MAST1: variants seen among roughly 807,000 people sequenced by gnomAD.
MAST1 encodes microtubule associated serine/threonine kinase 1, also known as microtubule-associated serine/threonine-protein kinase 1.
A neutral mutation model predicts 124.6 loss-of-function variants in MAST1; 40 were observed. The ratio of observed to expected loss-of-function variants is 0.32; its 90% CI spans 0.25 to 0.42. MAST1 has a LOEUF of 0.42. MAST1 is among the 10% of genes least tolerant of loss of function. MAST1 has a pLI of 1.00. For synonymous variants in MAST1, 938 were observed against 939.4 expected (o/e 1.00, Z 0.03); for missense variants, 1,558 against 2,181.9 (o/e 0.71, Z 5.70).
rs1969830049 is a variant in MAST1, at chr19:12,841,688, T to C, written c.248+622T>C. Among the ~76,000 whole-genome samples the C allele has an allele frequency of 6.6e-6, 1 of 152,228 alleles. No individual in the cohort carries two copies. The highest frequency in any genetic ancestry group is 1.9e-4 in the East Asian group (1 of 5,194). On this transcript the variant is annotated intron_variant, in intron 3 of 25. Transcript: ENST00000251472. The surrounding 1 kb of genome is among the most constrained non-coding windows in gnomAD (Gnocchi z 4.3). ...CTAAAAATGGTGTCTAAACACCTGC[T>C]ATGTTCTTAGGAGCTGGGCGTATGG...
chr19:12,839,016 A>G (rs1969794794), intron 1 of MAST1, among the ~76,000 whole-genome samples: 1 of 151,850 alleles, frequency 6.6e-6, no homozygotes, highest in Admixed American at 6.6e-5. Context: ...CCCCACCCCC[A>G]TGCCGCGTGC....
chr19:12,852,361 G>T lies in MAST1; in HGVS notation c.1043G>T (p.Gly348Val). ...CATCTGGAGGAACAGGACAGTGGTG[G>T]TTCCAACACCCCTGAGCAAGACGAT... ...VVHLEEQDSG[G>V]SNTPEQDDLS... Residue 348 changes from glycine (G) to valine (V), a missense_variant, in exon 10 of 26, where the codon GGT (glycine) becomes GTT (valine). Physicochemically the swap from Gly to Val is moderately radical, Grantham distance 109 (BLOSUM62 -3). Around this residue, in one of 10 missense-constraint regions of MAST1, gnomAD observed 136 missense variants for 160.9 expected, o/e 0.85. Coordinates refer to ENST00000251472, the MANE Select transcript of MAST1 (RefSeq NM_014975.3). The T allele has an allele frequency of 6.2e-7, 1 of 1,613,842 alleles. No individual in the cohort carries two copies. Among genetic ancestry groups the T allele is most frequent in the East Asian group, 2.2e-5 (1 of 44,868 alleles).
At chr19:12,844,076 A>C (rs1969862773) in intron 4 of MAST1, among the ~76,000 whole-genome samples, 1 of 152,180 alleles carries the variant, frequency 6.6e-6, no homozygotes, top group Admixed American at 6.5e-5. Flanking sequence ...TCTATTAAAG[A>C]GTTATGGGTC....
chr19:12,847,491 C>A lies in MAST1; in HGVS notation c.488+41C>A. 2 of 1,612,134 alleles carry A rather than the reference C, an allele frequency of 1.2e-6. No homozygotes were observed. Among genetic ancestry groups the A allele is most frequent in the South Asian group, 1.1e-5 (1 of 91,010 alleles). ...TCCTCCTTCGTACCAAGCTAGTGGTCTTAGGACTTGTGCTTAGAGAGACCC... is the reference window on the plus strand; with the variant it reads ...TCCTCCTTCGTACCAAGCTAGTGGTATTAGGACTTGTGCTTAGAGAGACCC... On this transcript the variant is annotated intron_variant, in intron 5 of 25. Transcript: ENST00000251472. The surrounding 1 kb of genome is among the most constrained non-coding windows in gnomAD (Gnocchi z 5.5).
chr19:12,868,103 A>ATTTTTTTTTTTTTT lies in MAST1; in HGVS notation c.2566+136_2566+149dup, dbSNP rs34988246. The ATTTTTTTTTTTTTT allele has an allele frequency of 3.0e-3, 978 of 321,934 alleles. 66 individuals are homozygous for ATTTTTTTTTTTTTT. Among genetic ancestry groups the ATTTTTTTTTTTTTT allele is most frequent in the African/African-American group, 0.016 (376 of 23,786 alleles). The allele number at this position is 321,934 out of a possible 1,614,324, so 19.9% of individuals were successfully genotyped here. A position where few individuals can be genotyped will look rare whatever the true frequency, so the allele number is the denominator to read the frequency against. On this transcript the variant is annotated intron_variant, in intron 20 of 25. Coordinates refer to ENST00000251472, the MANE Select transcript of MAST1 (RefSeq NM_014975.3). ...GGTCCTATTCACATTGCAATTTGGG[A>ATTTTTTTTTTTTTT]TTTTTTTTTTTTTTTTTTTTTTTGA...
rs771299282 is a variant in MAST1, at chr19:12,871,086, C to T, written c.3177C>T (p.Ile1059=). ...VTTTPFENTS[I]RIGPARRSSY... ...CAACGCCCTTCGAAAATACCTCTAT[C>T]CGCATTGGTCCCGCAAGGCGCAGCA... The change falls in exon 24 of 26, where the codon ATC becomes ATT. Residue 1059 remains isoleucine, a synonymous_variant. Transcript: ENST00000251472. 1.2e-6 allele frequency: 2 copies of T among 1,614,222 alleles called. No individual in the cohort carries two copies. The highest frequency in any genetic ancestry group is 1.7e-6 in the Non-Finnish European group (2 of 1,180,044).
chr19:12,847,706 C>T lies in MAST1; in HGVS notation c.564+19C>T. The T allele has an allele frequency of 1.2e-6, 2 of 1,612,486 alleles. No individual in the cohort carries two copies. The highest frequency in any genetic ancestry group is 1.7e-6 in the Non-Finnish European group (2 of 1,179,092). ...CCCGAAGGTGAGGTGGGACCCGAGG[C>T]GGTCACGGGGTGACCAGGCGGCCTG... On this transcript the variant is annotated intron_variant, in intron 6 of 25. Coordinates refer to ENST00000251472, the MANE Select transcript of MAST1 (RefSeq NM_014975.3). The surrounding 1 kb of genome is among the most constrained non-coding windows in gnomAD (Gnocchi z 5.5).
rs1284907600 is a variant in MAST1, at chr19:12,865,293, G to A, written c.1639-23G>A. On this transcript the variant is annotated intron_variant, in intron 14 of 25. Transcript: ENST00000251472. This position sits in a 1 kb window ranked among gnomAD's most constrained non-coding sequence, Gnocchi z 7.1. The stretch of plus-strand genomic sequence containing the variant: ...TTGAGGGCCCTCCTCTGGCTGGGGC[G>A]TGGGCTGACAGCCTGCCCCCAGGTG... The A allele has an allele frequency of 6.3e-6, 10 of 1,579,858 alleles. No homozygotes were observed. The highest frequency in any genetic ancestry group is 2.2e-5 in the East Asian group (1 of 44,654).
In MAST1 at chr19:12,858,535, G is replaced by A; in HGVS notation, c.1162G>A (p.Val388Ile). The A allele has an allele frequency of 6.2e-7, 1 of 1,614,172 alleles. No homozygotes were observed. Among genetic ancestry groups the A allele is most frequent in the Non-Finnish European group, 8.5e-7 (1 of 1,179,988 alleles). Residue 388 changes from valine to isoleucine, a missense_variant, in exon 12 of 26, where the codon GTC becomes ATC. Physicochemically the swap from Val to Ile is conservative, Grantham distance 29. Around this residue, in one of 10 missense-constraint regions of MAST1, gnomAD observed 136 missense variants for 160.9 expected, o/e 0.85. Coordinates refer to ENST00000251472, the MANE Select transcript of MAST1 (RefSeq NM_014975.3). ...CCTCGCTCTCTCCCCCTGCAGCGCT[G>A]TCTACCTGGTGCGGCACCGCGACAC... ...KLISNGAYGA[V>I]YLVRHRDTRQ...
At position 12,871,071 on chromosome 19, in the gene MAST1, C is replaced by T. The variant is rs770141518; in HGVS notation, c.3162C>T (p.Phe1054=). 6.8e-6 allele frequency: 11 copies of T among 1,614,068 alleles called. No homozygotes were observed. Among genetic ancestry groups the T allele is most frequent in the African/African-American group, 5.3e-5 (4 of 74,922 alleles). ...AGGTAGCAGTGACCACAACGCCCTT[C>T]GAAAATACCTCTATCCGCATTGGTC... The part of the protein sequence containing the change: ...GNKVAVTTTP[F]ENTSIRIGPA... The change falls in exon 24 of 26, where the codon TTC becomes TTT. Residue 1054 remains phenylalanine (F), a synonymous_variant. Coordinates refer to ENST00000251472, the MANE Select transcript of MAST1 (RefSeq NM_014975.3).
At chr19:12,869,013 G>A in intron 21 of MAST1, 53 bp from the exon 22 acceptor site, 1 of 1,582,924 alleles carries the variant, frequency 6.3e-7, no homozygotes, top group Non-Finnish European at 8.7e-7. Context: ...GCAGATACAG[G>A]GAGATGTCTA....
In MAST1 at chr19:12,843,205, G is replaced by T. The variant is rs1969852600; in HGVS notation, c.249-324G>T. Reference sequence around the variant, plus strand: ...CTCCCTCAGAGCTTTCTCATGGAGAGTGTTCACTTGGGGGAAATTTCTAGA... The same window carrying T: ...CTCCCTCAGAGCTTTCTCATGGAGATTGTTCACTTGGGGGAAATTTCTAGA... On this transcript the variant is annotated intron_variant, in intron 3 of 25. Transcript: ENST00000251472. This position sits in a 1 kb window ranked among gnomAD's most constrained non-coding sequence, Gnocchi z 4.9. Among the ~76,000 whole-genome samples the T allele has an allele frequency of 3.3e-5, 5 of 151,550 alleles. No individual in the cohort carries two copies. Among genetic ancestry groups the T allele is most frequent in the Admixed American group, 3.3e-4 (5 of 15,172 alleles).
At chr19:12,839,063 T>C (rs1599574025) in intron 1 of MAST1, among the ~76,000 whole-genome samples, 1 of 139,530 alleles carries the variant, frequency 7.2e-6, no homozygotes, top group African/African-American at 2.7e-5. Context: ...ACTGCGGCTG[T>C]GGGTGAGGGG....
chr19:12,867,973 G>A lies in MAST1; in HGVS notation c.2562G>A (p.Glu854=). 6.5e-7 allele frequency: 1 copy of A among 1,546,242 alleles called. No individual in the cohort carries two copies. Among genetic ancestry groups the A allele is most frequent in the South Asian group, 1.2e-5 (1 of 80,892 alleles). The part of the protein sequence containing the change: ...GEGTSSAGDS[E]ATDRPRPGDL... ...GCACCTCCAGCGCCGGGGACTCCGAGGCCAGTGAGTGCCCTATCGTGCTGC... is the reference window on the plus strand; with the variant it reads ...GCACCTCCAGCGCCGGGGACTCCGAAGCCAGTGAGTGCCCTATCGTGCTGC... The change falls in exon 20 of 26, where the codon GAG becomes GAA. Residue 854 remains glutamate, a synonymous_variant. Coordinates refer to ENST00000251472, the MANE Select transcript of MAST1 (RefSeq NM_014975.3).
chr19:12,847,537 G>T lies in MAST1; in HGVS notation c.489-75G>T. 1 of 1,612,836 alleles carries T rather than the reference G, an allele frequency of 6.2e-7. No individual in the cohort carries two copies. The highest frequency in any genetic ancestry group is 1.7e-5 in the Admixed American group (1 of 59,740). ...GACCCCTGTCCCCGCGAATAAAAGG[G>T]TTACATCTTGGGGCGGGGGCTCTCT... On this transcript the variant is annotated intron_variant, in intron 5 of 25. Transcript: ENST00000251472. This position sits in a 1 kb window ranked among gnomAD's most constrained non-coding sequence, Gnocchi z 5.5.
chr19:12,851,746 A>T (rs1969962241), intron 7 of MAST1, among the ~76,000 whole-genome samples, 188 bp from the exon 8 acceptor site: 1 of 152,148 alleles, frequency 6.6e-6, no homozygotes, highest in Admixed American at 6.5e-5. Flanking sequence ...TCAGCCTCCC[A>T]AAGTGCTGGG....
rs778031317 is a variant in MAST1, at chr19:12,869,162, A to G, written c.2870A>G (p.Tyr957Cys). ...CGGGACTCCTCACCCAGCCGGGACTACTCACCAGCTGTCAGTGGGCTCCGC... is the reference window on the plus strand; with the variant it reads ...CGGGACTCCTCACCCAGCCGGGACTGCTCACCAGCTGTCAGTGGGCTCCGC... Reference protein sequence around the residue: ...SSRDSSPSRDYSPAVSGLRSP... With the variant: ...SSRDSSPSRDCSPAVSGLRSP... The change falls in exon 22 of 26, where the codon TAC becomes TGC. Residue 957 changes from tyrosine (Y) to cysteine (C), a missense_variant. Physicochemically the swap from Tyr to Cys is radical, Grantham distance 194. Coordinates refer to ENST00000251472, the MANE Select transcript of MAST1 (RefSeq NM_014975.3). 1.9e-6 allele frequency: 3 copies of G among 1,614,072 alleles called. No homozygotes were observed. In the South Asian group the frequency reaches 3.3e-5, roughly 18 times the overall value.
At position 12,867,147 on chromosome 19, in the gene MAST1, C is replaced by T. The variant is rs569997438; in HGVS notation, c.2140-327C>T. Among the ~76,000 whole-genome samples the T allele has an allele frequency of 1.4e-4, 22 of 152,168 alleles. No individual in the cohort carries two copies. In the South Asian group the frequency reaches 4.2e-3, roughly 29 times the overall value. The stretch of plus-strand genomic sequence containing the variant: ...ACGGGCAGAGAAGCCATAGGCCTTG[C>T]TTTGAGAAGCAACTTGTAGAGGCGT... On this transcript the variant is annotated intron_variant, in intron 18 of 25. Coordinates refer to ENST00000251472, the MANE Select transcript of MAST1 (RefSeq NM_014975.3).
Position 12,858,450 on chromosome 19 carries a change from C to G in MAST1, c.1157+9C>G. On this transcript the variant is annotated intron_variant, in intron 11 of 25. Coordinates refer to ENST00000251472, the MANE Select transcript of MAST1 (RefSeq NM_014975.3). ...AGCAACGGTGCCTACGGGTGAGCCACCCGGGGCTCTGGCGGGGGGAGGGTG... is the reference window on the plus strand; with the variant it reads ...AGCAACGGTGCCTACGGGTGAGCCAGCCGGGGCTCTGGCGGGGGGAGGGTG... 6.2e-6 allele frequency: 10 copies of G among 1,613,390 alleles called. No individual in the cohort carries two copies. The highest frequency in any genetic ancestry group is 8.5e-6 in the Non-Finnish European group (10 of 1,179,480).
Sources: allele counts gnomAD v4.1 joint callset (sites outside exome capture counted in the v4.1 genomes callset), GRCh38; gene constraint gnomAD v4.1.1; regional missense constraint gnomAD v4.1.1; non-coding constraint Gnocchi (gnomAD v3.1); transcripts MANE v1.5; gene names NCBI Gene and HGNC (gene_info 2026-07-23, HGNC 2026-07-21).